The following TSPAN11 variants were observed in gnomAD, a reference collection of about 807,000 sequenced individuals.
The protein encoded by TSPAN11 is tetraspanin 11.
In TSPAN11, 29 loss-of-function variants were observed where a neutral mutation model predicts 32.9. The ratio of observed to expected loss-of-function variants is 0.88; its 90% CI spans 0.66 to 1.20. TSPAN11 has a LOEUF of 1.20. Ranked by LOEUF, TSPAN11 falls within the 50% of genes most tolerant of loss-of-function variation. The pLI, the probability that TSPAN11 is intolerant of heterozygous loss-of-function variation, is 0.00. For missense variants in TSPAN11, 283 were observed against 329.1 expected, an observed-to-expected ratio of 0.86 and a Z score of 1.08; for synonymous variants, 140 against 141.3, an observed-to-expected ratio of 0.99 and a Z score of 0.07.
At chr12:31,016,233 G>A in the TSPAN11 span, among the ~76,000 whole-genome samples, 6 of 152,188 alleles carry the variant, frequency 3.9e-5, no homozygotes, top group Non-Finnish European at 8.8e-5. Context: ...AGCAGTGGCC[G>A]CCAGGGATGG....
chr12:30,944,935 A>G (rs1938237417), intron 1 of TSPAN11, among the ~76,000 whole-genome samples: 1 of 152,148 alleles, frequency 6.6e-6, no homozygotes, highest in Admixed American at 6.5e-5. Context: ...TAGGATCCTA[A>G]GAGTAGAGGA....
chr12:30,931,551 A>G (rs1937927388), intron 1 of TSPAN11, among the ~76,000 whole-genome samples: 1 of 152,150 alleles, frequency 6.6e-6, no homozygotes, highest in South Asian at 2.1e-4. Context: ...GGGTTTTGAT[A>G]GTTGGAAACC....
chr12:31,014,586 A>G, the TSPAN11 span, among the ~76,000 whole-genome samples: 4 of 152,206 alleles, frequency 2.6e-5, no homozygotes, highest in Non-Finnish European at 5.9e-5. Flanking sequence ...TTAAAATTGC[A>G]CAACTGGGAG....
intron 3 of TSPAN11, among the ~76,000 whole-genome samples, chr12:30,974,179 A>G (rs1938911829): frequency 6.6e-6 from 1 of 152,258 alleles, no homozygotes; most frequent in Admixed American, 6.5e-5. Context: ...GCTAGGTAAC[A>G]TTCCTTGGAT....
chr12:30,976,624 C>T (rs1310992055), intron 3 of TSPAN11, among the ~76,000 whole-genome samples: 1 of 152,208 alleles, frequency 6.6e-6, no homozygotes, highest in African/African-American at 2.4e-5. Context: ...CACACTCCTC[C>T]CCAGGGAGTG....
the TSPAN11 span, among the ~76,000 whole-genome samples, chr12:31,011,343 A>G: frequency 6.6e-6 from 1 of 152,198 alleles, no homozygotes; most frequent in African/African-American, 2.4e-5. Context: ...TCCCCCTGAA[A>G]GATTTAACCT....
rs1156733492 is a variant in TSPAN11 at position 30,982,677 on chromosome 12, T to A, written c.602T>A (p.Ile201Asn). 1.9e-6 allele frequency: 3 copies of A among 1,580,478 alleles called. No homozygotes were observed. The highest frequency in any genetic ancestry group is 2.6e-6 in the Non-Finnish European group (3 of 1,162,096). ...GGCCAGCGGGCCCACCCCTCCAACA[T>A]CTATAAGGTGGAGGTGAGCACCCAA... is the stretch of plus-strand genomic sequence containing the variant. Reference protein sequence around the residue: ...RCGQRAHPSNIYKVEGGCLTK... With the variant: ...RCGQRAHPSNNYKVEGGCLTK... Residue 201 changes from isoleucine (I) to asparagine (N), a missense_variant, in exon 6 of 8, where the codon ATC (isoleucine) becomes AAC (asparagine). Transcript: ENST00000546076.
the TSPAN11 span, among the ~76,000 whole-genome samples, chr12:31,008,347 T>C: frequency 6.6e-6 from 1 of 152,228 alleles, no homozygotes; most frequent in Non-Finnish European, 1.5e-5. Context: ...ACAGAGCTCC[T>C]TGTGGTACAG....
rs112936762 is a variant in TSPAN11 at position 30,965,133 on chromosome 12, G to A, written c.276+1116G>A. Among the ~76,000 whole-genome samples, 198 of 152,346 alleles carry A rather than the reference G, an allele frequency of 1.3e-3. 1 individual carries two copies. The highest frequency in any genetic ancestry group is 4.5e-3 in the African/African-American group (188 of 41,580). ...TAAAACCAGGCATGTAGCGCAGCCC[G>A]GGGATGTTCCCTCTGTGTGGCACTG... On this transcript the variant is annotated intron_variant, in intron 3 of 7. Transcript: ENST00000546076.
chr12:30,973,349 G>A (rs1055351502), intron 3 of TSPAN11, among the ~76,000 whole-genome samples: 6 of 152,238 alleles, frequency 3.9e-5, no homozygotes, highest in African/African-American at 1.4e-4. Context: ...TGCAAGGGGG[G>A]CTGGCACCTG....
the TSPAN11 span, among the ~76,000 whole-genome samples, chr12:31,003,148 G>A: frequency 2.6e-5 from 4 of 152,354 alleles, no homozygotes; most frequent in African/African-American, 9.6e-5. Flanking sequence ...GTTGGCAAGG[G>A]AAGCAGACAG....
chr12:30,929,338 C>G (rs1015828428), intron 1 of TSPAN11, among the ~76,000 whole-genome samples: 13 of 152,152 alleles, frequency 8.5e-5, no homozygotes, highest in Non-Finnish European at 1.5e-4. Flanking sequence ...ACCATTTCTG[C>G]TTGGCCATGG....
At chr12:30,940,666 T>C (rs1431775743) in intron 1 of TSPAN11, among the ~76,000 whole-genome samples, 1 of 152,326 alleles carries the variant, frequency 6.6e-6, no homozygotes, top group African/African-American at 2.4e-5. Context: ...AGTTAACCTC[T>C]GTCTCCCTTT....
intron 3 of TSPAN11, among the ~76,000 whole-genome samples, chr12:30,965,925 C>T (rs761966681): frequency 4.6e-5 from 7 of 152,068 alleles, no homozygotes; most frequent in Non-Finnish European, 8.8e-5. Context: ...TTGACCAGCC[C>T]GTAGCCCACG....
At chr12:30,954,647 A>G (rs2140285032) in intron 2 of TSPAN11, 1 of 154,378 alleles carries the variant, frequency 6.5e-6, no homozygotes, top group South Asian at 2.0e-4. Flanking sequence ...GCAGAATACC[A>G]TCAGTTCCCA....
At chr12:30,977,735 C>T (rs1861395577) in intron 3 of TSPAN11, among the ~76,000 whole-genome samples, 1 of 152,048 alleles carries the variant, frequency 6.6e-6, no homozygotes, top group Non-Finnish European at 1.5e-5. Context: ...ACTGTGCAAG[C>T]CAGGTGGGAG....
At chr12:30,978,737 A>C in intron 4 of TSPAN11, 102 bp downstream of exon 4, 3 of 1,224,682 alleles carry the variant, frequency 2.4e-6, no homozygotes, top group East Asian at 2.3e-5. Flanking sequence ...GGAAGGCACA[A>C]GGGCGGTCCT....
intron 3 of TSPAN11, among the ~76,000 whole-genome samples, chr12:30,968,385 A>T (rs191648423): frequency 6.6e-6 from 1 of 152,370 alleles, no homozygotes; most frequent in Admixed American, 6.5e-5. Flanking sequence ...AGCTCCTCAA[A>T]GTCACTTTCC....
Position 30,982,567 on chromosome 12 carries a change from G to A in TSPAN11, c.492G>A (p.Trp164Ter). The A allele has an allele frequency of 6.2e-7, 1 of 1,612,222 alleles. No individual in the cohort carries two copies. The highest frequency in any genetic ancestry group is 8.5e-7 in the Non-Finnish European group (1 of 1,179,012). Residue 164 changes from tryptophan (W) to a stop codon, truncating the protein, a stop_gained, in exon 6 of 8, where the codon TGG becomes TGA. Coordinates refer to ENST00000546076, the MANE Select transcript of TSPAN11 (RefSeq NM_001370302.1). LOFTEE classifies it high-confidence loss of function. ...GTGGAAGCAACAGCTCAGCCGACTG[G>A]CAGCACAGCACGTACATCCTGTTGC... ...KCCGSNSSADWQHSTYILLRE... is the reference protein window; with the variant it reads ...KCCGSNSSAD
Sources: allele counts gnomAD v4.1 joint callset (sites outside exome capture counted in the v4.1 genomes callset), GRCh38; gene constraint gnomAD v4.1.1; transcripts MANE v1.5; gene names NCBI Gene and HGNC (gene_info 2026-07-23, HGNC 2026-07-21).